PPARGC1A: variants seen among roughly 807,000 people sequenced by gnomAD.
The protein encoded by PPARGC1A is PPARG coactivator 1 alpha, also known as peroxisome proliferator-activated receptor gamma coactivator 1-alpha.
PPARGC1A carries 25 observed loss-of-function variants against 88.7 expected under a neutral mutation model. The ratio of observed to expected loss-of-function variants is 0.28; its 90% CI spans 0.21 to 0.39. The LOEUF (loss-of-function observed/expected upper bound fraction) is 0.39, where lower values mean the gene tolerates loss of function less well. PPARGC1A is among the 10% of genes least tolerant of loss of function. The probability of loss-of-function intolerance (pLI) is 1.00; values close to 1 mark genes in which losing one functional copy is unlikely to be tolerated. For missense variants in PPARGC1A, 880 were observed against 968.7 expected (o/e 0.91, Z 1.22); for synonymous variants, 363 against 355.6 (o/e 1.02, Z -0.24).
At chr4:23,932,992 G>A in the PPARGC1A span, among the ~76,000 whole-genome samples, 237 of 152,274 alleles carry the variant, frequency 1.6e-3, no homozygotes, top group African/African-American at 5.3e-3. Flanking sequence ...GAGTTTTCCC[G>A]ACAAGTGGTG....
At chr4:24,210,838 C>T in the PPARGC1A span, among the ~76,000 whole-genome samples, 3 of 152,188 alleles carry the variant, frequency 2.0e-5, no homozygotes, top group Non-Finnish European at 4.4e-5. Context: ...CAACGGAGGG[C>T]ACTGTACTCC....
At chr4:24,318,952 G>T in the PPARGC1A span, among the ~76,000 whole-genome samples, 3 of 152,204 alleles carry the variant, frequency 2.0e-5, no homozygotes, top group African/African-American at 4.8e-5. Context: ...TATTTCTGTA[G>T]TTGGAGGATA....
At chr4:24,132,399 C>T in the PPARGC1A span, among the ~76,000 whole-genome samples, 10 of 152,044 alleles carry the variant, frequency 6.6e-5, no homozygotes, top group African/African-American at 2.4e-4. Context: ...TGCCTAGAGT[C>T]CCGGTGACTT....
At chr4:24,303,338 G>T in the PPARGC1A span, among the ~76,000 whole-genome samples, 3 of 152,154 alleles carry the variant, frequency 2.0e-5, no homozygotes, top group Non-Finnish European at 4.4e-5. Flanking sequence ...CACAACACAC[G>T]CAGTACATCT....
At chr4:24,412,031 AG>A in the PPARGC1A span, among the ~76,000 whole-genome samples, 1 of 152,244 alleles carries the variant, frequency 6.6e-6, no homozygotes, top group Non-Finnish European at 1.5e-5. Flanking sequence ...GTAAATATCA[AG>A]GAGCGTGATT....
chr4:23,946,042 C>A, the PPARGC1A span, among the ~76,000 whole-genome samples: 1 of 152,012 alleles, frequency 6.6e-6, no homozygotes. Context: ...TCCGCTGTCT[C>A]TATATCATAA....
chr4:24,023,968 CTAA>C, the PPARGC1A span, among the ~76,000 whole-genome samples: 1 of 152,182 alleles, frequency 6.6e-6, no homozygotes, highest in African/African-American at 2.4e-5. Context: ...GTGTAGCCAA[CTAA>C]AGCTGCAGAT....
chr4:24,004,363 T>C, the PPARGC1A span, among the ~76,000 whole-genome samples: 2 of 152,330 alleles, frequency 1.3e-5, no homozygotes, highest in East Asian at 3.9e-4. Flanking sequence ...AGCTTCTGCA[T>C]TGAGAAGGCA....
At chr4:24,322,178 T>C in the PPARGC1A span, among the ~76,000 whole-genome samples, 1 of 152,256 alleles carries the variant, frequency 6.6e-6, no homozygotes, top group African/African-American at 2.4e-5. Context: ...TAGCCTCCGC[T>C]TATTTTGCCC....
chr4:24,003,172 A>G, the PPARGC1A span, among the ~76,000 whole-genome samples: 1 of 152,146 alleles, frequency 6.6e-6, no homozygotes, highest in Non-Finnish European at 1.5e-5. Context: ...TGTTACCTAC[A>G]CCCACACAGC....
rs541724886 is a variant in PPARGC1A, at chr4:23,824,514, GA to G, written c.758-7del. The G allele has an allele frequency of 4.4e-4, 628 of 1,426,240 alleles. No individual in the cohort carries two copies. Among genetic ancestry groups the G allele is most frequent in the Admixed American group, 1.4e-3 (70 of 48,370 alleles). 88.3% of individuals were successfully genotyped at this position (1,426,240 alleles called of 1,614,324 possible). A position where few individuals can be genotyped will look rare whatever the true frequency, so the allele number is the denominator to read the frequency against. On this transcript the variant is annotated splice_polypyrimidine_tract_variant and splice_region_variant and intron_variant, in intron 5 of 12. Transcript: ENST00000264867. ...AGATAAAGTTGTTGGTTTGGCTAAA[GA>G]AAAAAAAAAGAAACTAATTATGTAA...
At chr4:24,155,526 TG>T in the PPARGC1A span, among the ~76,000 whole-genome samples, 1 of 150,748 alleles carries the variant, frequency 6.6e-6, no homozygotes, top group South Asian at 2.1e-4. Context: ...GCTTAAGCCC[TG>T]GTAATCAAGG....
At chr4:24,184,242 A>G in the PPARGC1A span, among the ~76,000 whole-genome samples, 2 of 152,172 alleles carry the variant, frequency 1.3e-5, no homozygotes, top group Non-Finnish European at 2.9e-5. Flanking sequence ...TATTATCCCC[A>G]ATTTGGAAAT....
the PPARGC1A span, among the ~76,000 whole-genome samples, chr4:24,258,550 C>T: frequency 6.6e-6 from 1 of 152,028 alleles, no homozygotes; most frequent in Non-Finnish European, 1.5e-5. Flanking sequence ...GCCCAGACAC[C>T]AATATTCTTT....
the PPARGC1A span, among the ~76,000 whole-genome samples, chr4:24,094,245 G>C: frequency 2.0e-5 from 3 of 152,158 alleles, no homozygotes; most frequent in Non-Finnish European, 4.4e-5. Context: ...TAAGCTTCCA[G>C]TGTTATTTGT....
chr4:23,913,294 AGAGAGAGAG>A, the PPARGC1A span, among the ~76,000 whole-genome samples: 1 of 146,186 alleles, frequency 6.8e-6, no homozygotes, highest in Non-Finnish European at 1.5e-5. Context: ...AGAGAGAGAG[AGAGAGAGAG>A]AGAGAAAGAG....
the PPARGC1A span, among the ~76,000 whole-genome samples, chr4:24,291,300 G>T: frequency 6.6e-6 from 1 of 152,096 alleles, no homozygotes; most frequent in Non-Finnish European, 1.5e-5. Flanking sequence ...TAATAAATTA[G>T]CTTCTTCCCA....
At chr4:23,891,731 A>G (rs1258532784), upstream of PPARGC1A, among the ~76,000 whole-genome samples, 1 of 152,220 alleles carries the variant, frequency 6.6e-6, no homozygotes, top group African/African-American at 2.4e-5. Flanking sequence ...GTTCACCAGC[A>G]CATTTTCCCT....
chr4:24,008,146 G>A, the PPARGC1A span, among the ~76,000 whole-genome samples: 2 of 152,128 alleles, frequency 1.3e-5, no homozygotes, highest in East Asian at 1.9e-4. Flanking sequence ...GCCAGATCTC[G>A]CCCAGCTGGG....
Sources: allele counts gnomAD v4.1 joint callset (sites outside exome capture counted in the v4.1 genomes callset), GRCh38; gene constraint gnomAD v4.1.1; transcripts MANE v1.5; gene names NCBI Gene and HGNC (gene_info 2026-07-23, HGNC 2026-07-21).